Variants in PLCD4 observed in about 807,000 individuals in gnomAD.
The protein encoded by PLCD4 is phospholipase C delta 4.
PLCD4 carries 63 observed loss-of-function variants against 90.2 expected under a neutral mutation model. The ratio of observed to expected loss-of-function variants is 0.70; its 90% confidence interval spans 0.57 to 0.86. PLCD4 has a LOEUF of 0.86. Ranked by LOEUF, PLCD4 falls within the 40% of genes least tolerant of loss-of-function variation. PLCD4 has a pLI of 0.00. For missense variants in PLCD4, 830 were observed against 956.3 expected (o/e 0.87, Z 1.74); for synonymous variants, 294 against 356.5 (o/e 0.82, Z 1.97).
At position 218,629,665 on chromosome 2, in the gene PLCD4, T is replaced by C; in HGVS notation, c.1119+2T>C. 6.2e-7 allele frequency: 1 copy of C among 1,611,802 alleles called. No individual in the cohort carries two copies. Among genetic ancestry groups the C allele is most frequent in the Non-Finnish European group, 8.5e-7 (1 of 1,178,566 alleles). On this transcript the variant is annotated splice_donor_variant, in intron 8 of 15. Transcript: ENST00000450993. LOFTEE classifies it high-confidence loss of function. ...ACAGTAGCACAGTATGCCTTCCAGG[T>C]AGTAGCCCCAGGATGGGGACACTGG...
At chr2:218,610,813 C>T (rs756942413) in intron 1 of PLCD4, among the ~76,000 whole-genome samples, 6 of 151,906 alleles carry the variant, frequency 3.9e-5, no homozygotes, top group Non-Finnish European at 7.4e-5. Context: ...CTGCAGCCTC[C>T]GCCTCCTGGG....
chr2:218,616,211 G>C, intron 3 of PLCD4, 149 bp downstream of exon 3: 1 of 868,480 alleles, frequency 1.2e-6, no homozygotes, highest in Non-Finnish European at 1.7e-6. Context: ...GATCATAACA[G>C]TACTTGCCTC....
intron 1 of PLCD4, among the ~76,000 whole-genome samples, chr2:218,611,970 C>A (rs2106116074): frequency 6.6e-6 from 1 of 151,702 alleles, no homozygotes; most frequent in South Asian, 2.1e-4. Context: ...AGCTCTGTCG[C>A]CAGGTTAGAG....
In PLCD4 at chr2:218,632,162, G is replaced by A; in HGVS notation, c.1299G>A (p.Lys433=). The A allele has an allele frequency of 6.2e-7, 1 of 1,609,578 alleles. No individual in the cohort carries two copies. The highest frequency in any genetic ancestry group is 8.5e-7 in the Non-Finnish European group (1 of 1,178,248). ...AGCTTCGGAGGAAGATCCTGGTGAA[G>A]GGGAAGAAGTTAACACTTGAGGAAG... ...PEELRRKILV[K]GKKLTLEEDL... Residue 433 remains lysine (K), a synonymous_variant, in exon 10 of 16, where the codon AAG becomes AAA. Transcript: ENST00000450993.
chr2:218,627,714 G>A (rs1281223147), intron 6 of PLCD4, among the ~76,000 whole-genome samples: 5 of 152,076 alleles, frequency 3.3e-5, no homozygotes, highest in East Asian at 1.9e-4. Flanking sequence ...GGGTTTCACC[G>A]TGTTAGACAG....
At chr2:218,625,609 A>G (rs558274946) in intron 6 of PLCD4, among the ~76,000 whole-genome samples, 18 of 152,366 alleles carry the variant, frequency 1.2e-4, no homozygotes, top group African/African-American at 3.4e-4. Context: ...GGCAACTGCA[A>G]ATTTACCTGA....
intron 4 of PLCD4, among the ~76,000 whole-genome samples, chr2:218,620,893 C>CAAAAA (rs34369545): frequency 1.6e-5 from 1 of 61,892 alleles, no homozygotes; most frequent in Non-Finnish European, 2.8e-5. Context: ...GACTCTGTCT[C>CAAAAA]AAAAAAAAAA....
chr2:218,618,535 TG>T, intron 3 of PLCD4, 43 bp from the exon 4 acceptor site: 1 of 1,556,494 alleles, frequency 6.4e-7, no homozygotes, highest in Non-Finnish European at 8.8e-7. Flanking sequence ...TGCTATTTGT[TG>T]GAATCCCTTC....
At position 218,608,010 on chromosome 2, in the gene PLCD4, C is replaced by G. The variant is rs76608525; in HGVS notation, c.-94C>G. The stretch of plus-strand genomic sequence containing the variant: ...CCTGATCCCACAGCATCGCAGAGCT[C>G]GGGAGGCACAGCTCACAGACACAGG... On this transcript the variant is annotated 5_prime_UTR_variant, in exon 1 of 16. Coordinates refer to ENST00000450993, the MANE Select transcript of PLCD4 (RefSeq NM_032726.4). 5.3e-5 allele frequency: 8 copies of G among 152,348 alleles called. No individual in the cohort carries two copies. Among genetic ancestry groups the G allele is most frequent in the Admixed American group, 2.0e-4 (3 of 15,268 alleles). 9.4% of individuals were successfully genotyped at this position (152,348 alleles called of 1,614,324 possible). A position where few individuals can be genotyped will look rare whatever the true frequency, so the allele number is the denominator to read the frequency against.
In PLCD4 at chr2:218,634,303, G is replaced by T; in HGVS notation, c.1723+82G>T. ...AGTTCTCTAGTGATGGTAGGGTTGG[G>T]GAATGCTCAAGAAAATTGCTAGGCT... On this transcript the variant is annotated intron_variant, in intron 12 of 15. Coordinates refer to ENST00000450993, the MANE Select transcript of PLCD4 (RefSeq NM_032726.4). The surrounding 1 kb of genome is among the most constrained non-coding windows in gnomAD (Gnocchi z 4.0). 6.4e-7 allele frequency: 1 copy of T among 1,571,900 alleles called. No individual in the cohort carries two copies. Among genetic ancestry groups the T allele is most frequent in the Non-Finnish European group, 8.6e-7 (1 of 1,158,682 alleles).
intron 6 of PLCD4, among the ~76,000 whole-genome samples, chr2:218,625,382 C>T (rs755834332): frequency 3.3e-5 from 5 of 151,922 alleles, no homozygotes; most frequent in African/African-American, 4.8e-5. Context: ...ACATTTGTTT[C>T]GACCCCGACC....
chr2:218,617,509 A>C (rs571883699), intron 3 of PLCD4, among the ~76,000 whole-genome samples: 1 of 151,264 alleles, frequency 6.6e-6, no homozygotes, highest in Non-Finnish European at 1.5e-5. Flanking sequence ...CCTGGAAGGC[A>C]GAGGTTACAG....
chr2:218,635,031 G>A (rs1696637340), intron 13 of PLCD4, among the ~76,000 whole-genome samples: 1 of 152,038 alleles, frequency 6.6e-6, no homozygotes, highest in African/African-American at 2.4e-5. Context: ...TTGAGCCCAG[G>A]AGTTTGAGAC....
chr2:218,622,963 T>C, intron 6 of PLCD4, 85 bp downstream of exon 6: 1 of 1,222,418 alleles, frequency 8.2e-7, no homozygotes, highest in Non-Finnish European at 1.2e-6. Flanking sequence ...AGCAGCCATC[T>C]GCCTGAGAGA....
chr2:218,618,824 G>T lies in PLCD4; in HGVS notation c.410+17G>T. ...CCTGGACCAGTATCGGCAGGATGGA[G>T]TCAGGGTGGGGGTGAGGGATCACGC... On this transcript the variant is annotated intron_variant, in intron 4 of 15. Coordinates refer to ENST00000450993, the MANE Select transcript of PLCD4 (RefSeq NM_032726.4). 6.4e-7 allele frequency: 1 copy of T among 1,563,514 alleles called. No homozygotes were observed.
At chr2:218,627,283 T>A (rs574346607) in intron 6 of PLCD4, among the ~76,000 whole-genome samples, 14 of 151,366 alleles carry the variant, frequency 9.2e-5, no homozygotes, top group African/African-American at 2.9e-4. Context: ...ATAAATAAAT[T>A]AAATTAAATT....
At chr2:218,620,366 C>T (rs541944459) in intron 4 of PLCD4, among the ~76,000 whole-genome samples, 3 of 152,016 alleles carry the variant, frequency 2.0e-5, no homozygotes, top group East Asian at 3.9e-4. Flanking sequence ...ATTAGCTGGG[C>T]GTGGCGACAT....
chr2:218,613,050 A>T (rs1695412657), intron 1 of PLCD4, among the ~76,000 whole-genome samples: 1 of 152,204 alleles, frequency 6.6e-6, no homozygotes, highest in Non-Finnish European at 1.5e-5. Flanking sequence ...ACAAATTTTT[A>T]AAGTTCTTTT....
chr2:218,614,441 G>T (rs192046533), intron 1 of PLCD4, among the ~76,000 whole-genome samples: 4 of 151,286 alleles, frequency 2.6e-5, no homozygotes, highest in Non-Finnish European at 4.4e-5. Flanking sequence ...GTGAGCCACC[G>T]TGCCCAGCCT....
Sources: gnomAD v4.1 joint callset for allele counts (sites outside exome capture counted in the v4.1 genomes callset) on GRCh38, gnomAD v4.1.1 for gene constraint, Gnocchi (gnomAD v3.1) non-coding constraint, MANE v1.5 for transcripts, NCBI Gene and HGNC (gene_info 2026-07-23, HGNC 2026-07-21) for gene names.